The following SH3RF2 variants were observed in gnomAD, a reference collection of about 807,000 sequenced individuals.
The protein encoded by SH3RF2 is SH3 domain containing ring finger 2.
In SH3RF2, 43 loss-of-function variants were observed where a neutral mutation model predicts 59.0. The ratio of observed to expected loss-of-function variants is 0.73; its 90% CI spans 0.57 to 0.94. SH3RF2 has a LOEUF of 0.94. SH3RF2 is among the 40% of genes least tolerant of loss of function. The pLI is 0.00. For synonymous variants in SH3RF2, 391 were observed against 391.5 expected (o/e 1.00, Z 0.01); for missense variants, 930 against 940.1 (o/e 0.99, Z 0.14).
At chr5:145,997,767 A>G in intron 2 of SH3RF2, 2 of 1,573,656 alleles carry the variant, frequency 1.3e-6, no homozygotes, top group Non-Finnish European at 1.7e-6. Flanking sequence ...AAGCAGCAAA[A>G]AAAGAGTCAC....
At chr5:146,000,817 A>G (rs751010386) in intron 3 of SH3RF2, among the ~76,000 whole-genome samples, 2 of 152,276 alleles carry the variant, frequency 1.3e-5, no homozygotes, top group African/African-American at 4.8e-5. Flanking sequence ...TAGGACGTGA[A>G]TAAGTCACAG....
At chr5:145,971,840 A>G (rs531532806) in intron 2 of SH3RF2, among the ~76,000 whole-genome samples, 6 of 152,126 alleles carry the variant, frequency 3.9e-5, no homozygotes, top group Non-Finnish European at 8.8e-5. Flanking sequence ...GTGAAACATG[A>G]GGCTTGGAAT....
At chr5:146,066,863 A>G (rs1022549630), downstream of SH3RF2, among the ~76,000 whole-genome samples, 8 of 152,210 alleles carry the variant, frequency 5.3e-5, no homozygotes, top group African/African-American at 1.7e-4. Flanking sequence ...AGGTTCAGAC[A>G]GTACCTAGGA....
At chr5:146,061,969 A>G (rs922056006) in intron 9 of SH3RF2, among the ~76,000 whole-genome samples, 8 of 152,100 alleles carry the variant, frequency 5.3e-5, no homozygotes, top group African/African-American at 1.7e-4. Flanking sequence ...TGCTCTAAGG[A>G]TTTATAAGGC....
In SH3RF2 at chr5:146,062,804, G is replaced by A. The variant is rs555851396; in HGVS notation, c.*103G>A. 218 of 1,460,324 alleles carry A rather than the reference G, an allele frequency of 1.5e-4. 2 individuals are homozygous for A. In the South Asian group the frequency reaches 2.6e-3, roughly 18 times the overall value. 90.5% of individuals were successfully genotyped at this position (1,460,324 alleles called of 1,614,324 possible). On this transcript the variant is annotated 3_prime_UTR_variant, in exon 10 of 10. Transcript: ENST00000359120. The stretch of plus-strand genomic sequence containing the variant: ...GCCATTCTTTGGGGACTTGAGCATG[G>A]GTCCTTGTTCTTCCTATTTCACCTC...
chr5:145,945,109 T>C (rs1757961667), intron 2 of SH3RF2, among the ~76,000 whole-genome samples: 1 of 152,194 alleles, frequency 6.6e-6, no homozygotes, highest in Non-Finnish European at 1.5e-5. Flanking sequence ...TTTTAAGGTA[T>C]TCATTATAAG....
At chr5:146,029,171 G>A (rs567157145) in intron 5 of SH3RF2, among the ~76,000 whole-genome samples, 16 of 152,274 alleles carry the variant, frequency 1.1e-4, no homozygotes, top group East Asian at 3.9e-4. Context: ...ATTGTTAATC[G>A]TTGTTACTTC....
chr5:146,008,755 T>A (rs1400192325), intron 4 of SH3RF2, among the ~76,000 whole-genome samples: 1 of 152,244 alleles, frequency 6.6e-6, no homozygotes, highest in Non-Finnish European at 1.5e-5. Context: ...TAGTCTGCCC[T>A]GAAATTTCTC....
intron 5 of SH3RF2, among the ~76,000 whole-genome samples, chr5:146,044,490 C>T (rs1486722720): frequency 6.6e-6 from 1 of 152,104 alleles, no homozygotes; most frequent in African/African-American, 2.4e-5. Flanking sequence ...ATTTGCATTT[C>T]CCTGGTAATT....
At chr5:146,056,589 A>C (rs575456746) in intron 8 of SH3RF2, among the ~76,000 whole-genome samples, 5 of 152,304 alleles carry the variant, frequency 3.3e-5, no homozygotes, top group African/African-American at 1.2e-4. Flanking sequence ...GGAGAAACAG[A>C]AGAATGGGGT....
At chr5:145,980,146 C>T (rs1488946222) in intron 2 of SH3RF2, among the ~76,000 whole-genome samples, 1 of 152,156 alleles carries the variant, frequency 6.6e-6, no homozygotes, top group African/African-American at 2.4e-5. Flanking sequence ...ACATTTTCTT[C>T]TAGGAGAAAG....
chr5:146,037,538 T>A (rs1420435698), intron 5 of SH3RF2, among the ~76,000 whole-genome samples: 1 of 152,180 alleles, frequency 6.6e-6, no homozygotes, highest in Non-Finnish European at 1.5e-5. Context: ...TACCACCTTT[T>A]CTCCCCAACA....
chr5:145,984,410 T>A (rs933399367), intron 2 of SH3RF2, among the ~76,000 whole-genome samples: 1 of 152,168 alleles, frequency 6.6e-6, no homozygotes, highest in African/African-American at 2.4e-5. Context: ...AAGATAAAGA[T>A]ACAAAAGACT....
intron 2 of SH3RF2, chr5:145,997,390 T>G: frequency 8.2e-7 from 1 of 1,222,032 alleles, no homozygotes; most frequent in Non-Finnish European, 1.2e-6. Flanking sequence ...CATTTATAAA[T>G]GGGCTTTGCT....
At chr5:146,018,209 A>G (rs1761178719) in intron 5 of SH3RF2, among the ~76,000 whole-genome samples, 1 of 152,132 alleles carries the variant, frequency 6.6e-6, no homozygotes, top group African/African-American at 2.4e-5. Flanking sequence ...AGTAGCCTCC[A>G]TTGTATCCAA....
In SH3RF2 at chr5:146,060,041, G is replaced by T. The variant is rs748868731; in HGVS notation, c.1731G>T (p.Thr577=). 1.9e-6 allele frequency: 3 copies of T among 1,612,524 alleles called. No individual in the cohort carries two copies. The highest frequency in any genetic ancestry group is 2.5e-6 in the Non-Finnish European group (3 of 1,179,220). ...AGATGGGGTCCAAGCCTGCCCTCAC[G>T]GGGGAGCCCGCCCTCACGTGCATCA... ...VVEMGSKPAL[T]GEPALTCISR... The change falls in exon 9 of 10, where the codon ACG becomes ACT. Residue 577 remains threonine (T), a synonymous_variant. Coordinates refer to ENST00000359120, the MANE Select transcript of SH3RF2 (RefSeq NM_152550.4).
intron 4 of SH3RF2, 77 bp from the exon 5 acceptor site, chr5:146,013,670 G>T (rs1359151763): frequency 6.5e-7 from 1 of 1,543,946 alleles, no homozygotes; most frequent in Non-Finnish European, 8.8e-7. Flanking sequence ...CCTGGCTTCA[G>T]ATGTACATGG....
chr5:145,950,673 G>T (rs1340488401), intron 2 of SH3RF2, among the ~76,000 whole-genome samples: 1 of 152,208 alleles, frequency 6.6e-6, no homozygotes, highest in Admixed American at 6.5e-5. Context: ...AAGCCAATCA[G>T]AAATCAAATG....
chr5:145,955,106 G>T (rs1758342152), intron 2 of SH3RF2, among the ~76,000 whole-genome samples: 1 of 152,138 alleles, frequency 6.6e-6, no homozygotes, highest in African/African-American at 2.4e-5. Context: ...GATGTGGGTG[G>T]GGACAAATAT....
Sources: gnomAD v4.1 joint callset for allele counts (sites outside exome capture counted in the v4.1 genomes callset) on GRCh38, gnomAD v4.1.1 for gene constraint, MANE v1.5 for transcripts, NCBI Gene and HGNC (gene_info 2026-07-23, HGNC 2026-07-21) for gene names.